Variants in GPC6 observed in about 807,000 individuals in gnomAD.
GPC6 encodes the protein glypican 6, also known as glypican-6.
GPC6 carries 14 observed loss-of-function variants against 55.2 expected under a neutral mutation model. The observed-to-expected ratio is 0.25, with a 90% confidence interval of 0.17 to 0.40. The LOEUF (loss-of-function observed/expected upper bound fraction) is 0.40. Among genes scored for constraint, GPC6 ranks in the 10% least tolerant of loss-of-function variants. The pLI is 1.00. For synonymous variants in GPC6, 278 were observed against 259.6 expected (o/e 1.07, Z -0.68); for missense variants, 641 against 708.5 (o/e 0.90, Z 1.08).
chr13:93,975,366 T>C (rs1226518843), intron 3 of GPC6, among the ~76,000 whole-genome samples: 2 of 152,140 alleles, frequency 1.3e-5, no homozygotes, highest in Admixed American at 6.6e-5. Context: ...ATCATAATAA[T>C]TGAAGTGAAA....
chr13:93,426,004 T>G (rs936560411), intron 1 of GPC6, among the ~76,000 whole-genome samples: 10 of 152,198 alleles, frequency 6.6e-5, no homozygotes, highest in Non-Finnish European at 1.5e-4. Context: ...CTTTGAAGCC[T>G]TTACCACCTC....
At chr13:94,277,760 T>C (rs1168841673) in intron 4 of GPC6, among the ~76,000 whole-genome samples, 1 of 152,210 alleles carries the variant, frequency 6.6e-6, no homozygotes, top group Non-Finnish European at 1.5e-5. Flanking sequence ...GTGTTATTTC[T>C]GAGGTCTCTG....
chr13:93,966,402 T>C (rs1201993054), intron 3 of GPC6, among the ~76,000 whole-genome samples: 1 of 152,220 alleles, frequency 6.6e-6, no homozygotes, highest in Non-Finnish European at 1.5e-5. Flanking sequence ...TAGACTTTTC[T>C]TTTGCTTCAT....
rs547759856 is a variant in GPC6, at chr13:94,286,352, C to G, written c.881C>G (p.Ala294Gly). The change falls in exon 5 of 9, where the codon GCA becomes GGA. Residue 294 changes from alanine (A) to glycine (G), a missense_variant. Coordinates refer to ENST00000377047, the MANE Select transcript of GPC6 (RefSeq NM_005708.5). ...TCATGTTCCTGTATTTTAACAGATG[C>G]AATGCTCTTGGTGGCAGAGCGACTG... Reference protein sequence around the residue: ...LDTEWNLFIDAMLLVAERLEG... With the variant: ...LDTEWNLFIDGMLLVAERLEG... 4.7e-5 allele frequency: 76 copies of G among 1,613,666 alleles called. 2 individuals carry two copies. The South Asian group carries it at 8.0e-4, about 17-fold the overall frequency.
intron 1 of GPC6, among the ~76,000 whole-genome samples, chr13:93,234,326 G>A (rs1876160624): frequency 6.6e-6 from 1 of 152,146 alleles, no homozygotes; most frequent in African/African-American, 2.4e-5. Context: ...GTGTGCTACT[G>A]CCACCTGGGG....
At chr13:94,343,943 C>T (rs1432598262) in intron 6 of GPC6, among the ~76,000 whole-genome samples, 1 of 152,146 alleles carries the variant, frequency 6.6e-6, no homozygotes, top group Non-Finnish European at 1.5e-5. Context: ...GTTGCCCAGG[C>T]TGGTGTCGAA....
intron 6 of GPC6, among the ~76,000 whole-genome samples, chr13:94,333,148 G>T (rs1370850509): frequency 2.0e-5 from 3 of 152,166 alleles, no homozygotes; most frequent in Admixed American, 1.3e-4. Flanking sequence ...AGCCACCTAA[G>T]TTAGCTGTGA....
intron 7 of GPC6, among the ~76,000 whole-genome samples, chr13:94,394,130 T>A (rs1054665763): frequency 6.6e-6 from 1 of 152,208 alleles, no homozygotes; most frequent in Non-Finnish European, 1.5e-5. Flanking sequence ...GACACTCACA[T>A]TTATAATATG....
intron 4 of GPC6, among the ~76,000 whole-genome samples, chr13:94,223,712 T>G (rs1890457981): frequency 6.6e-6 from 1 of 152,136 alleles, no homozygotes; most frequent in South Asian, 2.1e-4. Flanking sequence ...ATGAGCAAAC[T>G]TAGGCTCAGA....
rs71207433 is a variant in GPC6 at position 93,832,089 on chromosome 13, C to CAAAA, written c.711+1575_711+1578dup. On this transcript the variant is annotated intron_variant, in intron 3 of 8. Transcript: ENST00000377047. ...TGGGTGACAGAGCAAGACTCCAACTCAAAAAAAAAAAAAAAAAAAAAAAAA... is the reference window on the plus strand; with the variant it reads ...TGGGTGACAGAGCAAGACTCCAACTCAAAAAAAAAAAAAAAAAAAAAAAAAAAAA... Among the ~76,000 whole-genome samples, 4 of 8,538 alleles carry CAAAA rather than the reference C, an allele frequency of 4.7e-4. 1 individual carries two copies. Among genetic ancestry groups the CAAAA allele is most frequent in the Non-Finnish European group, 3.8e-4 (2 of 5,240 alleles). 5.6% of individuals were successfully genotyped at this position (8,538 alleles called of 152,430 possible).
chr13:93,581,679 G>A (rs1876942585), intron 2 of GPC6, among the ~76,000 whole-genome samples: 1 of 152,130 alleles, frequency 6.6e-6, no homozygotes, highest in South Asian at 2.1e-4. Context: ...ACTCCAGCCT[G>A]GGCAACAGAG....
chr13:93,921,813 C>T (rs971462070), intron 3 of GPC6, among the ~76,000 whole-genome samples: 4 of 151,636 alleles, frequency 2.6e-5, no homozygotes, highest in Admixed American at 1.3e-4. Context: ...GCTTGGGGTG[C>T]GAAAACAGGA....
intron 1 of GPC6, among the ~76,000 whole-genome samples, chr13:93,449,953 G>A (rs1280049065): frequency 1.3e-5 from 2 of 150,500 alleles, no homozygotes; most frequent in Non-Finnish European, 2.9e-5. Flanking sequence ...ACGGTGTCTC[G>A]CTCTATTTTT....
rs527879416 is a variant in GPC6 at position 93,227,205 on chromosome 13, G to A, written c.-252G>A. On this transcript the variant is annotated 5_prime_UTR_variant, in exon 1 of 9. Coordinates refer to ENST00000377047, the MANE Select transcript of GPC6 (RefSeq NM_005708.5). The surrounding 1 kb of genome is among the most constrained non-coding windows in gnomAD (Gnocchi z 4.3). ...CGTTTTGATTGCACCGTTTCCATCT[G>A]GGGGCTAGAGGAGCAAGGCAGCAGC... 262 of 416,718 alleles carry A rather than the reference G, an allele frequency of 6.3e-4. 2 individuals carry two copies. Among genetic ancestry groups the A allele is most frequent in the African/African-American group, 4.6e-3 (226 of 49,516 alleles). 25.8% of individuals were successfully genotyped at this position (416,718 alleles called of 1,614,324 possible).
intron 2 of GPC6, among the ~76,000 whole-genome samples, chr13:93,775,347 G>C (rs1885433380): frequency 6.6e-6 from 1 of 152,096 alleles, no homozygotes; most frequent in South Asian, 2.1e-4. Flanking sequence ...TACAGATGAG[G>C]AAACTGAGGC....
rs182067156 is a variant in GPC6, at chr13:94,102,114, A to C, written c.877+74220A>C. On this transcript the variant is annotated intron_variant, in intron 4 of 8. Coordinates refer to ENST00000377047, the MANE Select transcript of GPC6 (RefSeq NM_005708.5). ...ATTATACCATTATACTAGTGGCTTC[A>C]TGCTACGCTTACTATATGAACTGGC... Among the ~76,000 whole-genome samples the C allele has an allele frequency of 2.4e-3, 364 of 152,262 alleles. 2 individuals are homozygous for C. Among genetic ancestry groups the C allele is most frequent in the East Asian group, 8.5e-3 (44 of 5,186 alleles).
At chr13:93,972,088 G>A (rs1880307490) in intron 3 of GPC6, among the ~76,000 whole-genome samples, 1 of 152,108 alleles carries the variant, frequency 6.6e-6, no homozygotes, top group Admixed American at 6.5e-5. Flanking sequence ...CCCTGGTCTT[G>A]GCCTACAAAT....
chr13:94,030,653 G>C (rs1313160755), intron 4 of GPC6, among the ~76,000 whole-genome samples: 2 of 152,188 alleles, frequency 1.3e-5, no homozygotes, highest in African/African-American at 4.8e-5. Context: ...ATCACTTTGG[G>C]CTTCTGGCAT....
intron 1 of GPC6, among the ~76,000 whole-genome samples, chr13:93,538,323 T>G (rs1441125898): frequency 1.3e-5 from 2 of 152,206 alleles, no homozygotes; most frequent in African/African-American, 2.4e-5. Context: ...CCTTACTAAT[T>G]CAGTGCACTA....
Sources: allele counts gnomAD v4.1 joint callset (sites outside exome capture counted in the v4.1 genomes callset), GRCh38; gene constraint gnomAD v4.1.1; non-coding constraint Gnocchi (gnomAD v3.1); transcripts MANE v1.5; gene names NCBI Gene and HGNC (gene_info 2026-07-23, HGNC 2026-07-21).